Variants in UNC13C observed in about 807,000 individuals in gnomAD.
UNC13C encodes unc-13 homolog C.
Under a neutral mutation model 245.4 loss-of-function variants are expected in UNC13C, and 174 were observed. The observed-to-expected ratio is 0.71, with a 90% CI of 0.63 to 0.80. The LOEUF (loss-of-function observed/expected upper bound fraction) is 0.80, where lower values mean the gene tolerates loss of function less well. UNC13C is among the 30% of genes least tolerant of loss of function. The pLI, the probability that UNC13C is intolerant of heterozygous loss-of-function variation, is 0.00. For missense variants in UNC13C, 2,829 were observed against 2,602.9 expected, an observed-to-expected ratio of 1.09 and a Z score of -1.89; for synonymous variants, 992 against 895.1, an observed-to-expected ratio of 1.11 and a Z score of -1.93.
At chr15:54,183,539 C>T (rs1013316688) in intron 4 of UNC13C, among the ~76,000 whole-genome samples, 2 of 151,728 alleles carry the variant, frequency 1.3e-5, no homozygotes, top group Non-Finnish European at 2.9e-5. Flanking sequence ...TGACTATTTA[C>T]ATGTGTAGGT....
intron 2 of UNC13C, among the ~76,000 whole-genome samples, chr15:54,072,083 T>C (rs1898354944): frequency 6.6e-6 from 1 of 152,186 alleles, no homozygotes; most frequent in South Asian, 2.1e-4. Context: ...CATTCTTTTA[T>C]TACTTTTCCC....
At chr15:54,458,680 CTTTTTTT>C (rs79291504) in intron 19 of UNC13C, among the ~76,000 whole-genome samples, 11 of 65,970 alleles carry the variant, frequency 1.7e-4, no homozygotes, top group African/African-American at 6.7e-4. Context: ...CCTTTAAGGT[CTTTTTTT>C]TTTTTTTTTT....
chr15:54,216,787 C>T (rs2035053291), intron 4 of UNC13C, among the ~76,000 whole-genome samples: 1 of 151,932 alleles, frequency 6.6e-6, no homozygotes, highest in Non-Finnish European at 1.5e-5. Flanking sequence ...CAAGCGTGAA[C>T]ATTGTTGTTC....
chr15:54,133,395 T>C (rs1332489074), intron 2 of UNC13C, among the ~76,000 whole-genome samples: 1 of 152,212 alleles, frequency 6.6e-6, no homozygotes, highest in Non-Finnish European at 1.5e-5. Flanking sequence ...TTGAATAGAA[T>C]AGTGCTGTTC....
chr15:53,992,723 TC>T (rs759641598), intron 1 of UNC13C, among the ~76,000 whole-genome samples: 1 of 152,116 alleles, frequency 6.6e-6, no homozygotes, highest in African/African-American at 2.4e-5. Flanking sequence ...CTCAGCTTTT[TC>T]TGAATCTGTG....
At chr15:54,002,896 C>G (rs766530862) in intron 1 of UNC13C, among the ~76,000 whole-genome samples, 11 of 152,140 alleles carry the variant, frequency 7.2e-5, no homozygotes, top group Non-Finnish European at 1.6e-4. Context: ...GGAAAGGCAG[C>G]ACAGCACAGA....
intron 13 of UNC13C, among the ~76,000 whole-genome samples, chr15:54,305,124 TAGAA>T (rs2037692836): frequency 6.6e-6 from 1 of 152,082 alleles, no homozygotes; most frequent in South Asian, 2.1e-4. Context: ...TGATACATGA[TAGAA>T]AGTCAGTACA....
intron 18 of UNC13C, 76 bp downstream of exon 18, chr15:54,393,257 A>C: frequency 8.0e-7 from 1 of 1,247,774 alleles, no homozygotes; most frequent in South Asian, 2.4e-5. Flanking sequence ...AGCGCAACAT[A>C]TACTGACGAC....
chr15:53,956,926 G>T, the UNC13C span, among the ~76,000 whole-genome samples: 2 of 126,416 alleles, frequency 1.6e-5, no homozygotes, highest in South Asian at 5.1e-4. Context: ...ATCCATGTGT[G>T]TAAAACATGG....
chr15:54,278,593 C>T (rs1391146038), intron 10 of UNC13C, among the ~76,000 whole-genome samples: 3 of 152,188 alleles, frequency 2.0e-5, no homozygotes, highest in Non-Finnish European at 4.4e-5. Flanking sequence ...ATCTCCCCGA[C>T]ACTGATCTCT....
the UNC13C span, among the ~76,000 whole-genome samples, chr15:53,936,047 C>T: frequency 2.6e-5 from 4 of 152,170 alleles, no homozygotes; most frequent in Admixed American, 6.5e-5. Flanking sequence ...GGGCCCCACT[C>T]CCGTGGCACC....
intron 11 of UNC13C, among the ~76,000 whole-genome samples, chr15:54,294,327 C>G (rs754828566): frequency 2.6e-5 from 4 of 152,064 alleles, no homozygotes; most frequent in Non-Finnish European, 5.9e-5. Context: ...TTATTGCATT[C>G]TTAATTTTTA....
At chr15:53,944,935 T>C in the UNC13C span, among the ~76,000 whole-genome samples, 18 of 152,306 alleles carry the variant, frequency 1.2e-4, 1 homozygote, top group Non-Finnish European at 2.2e-4. Context: ...TGTTATTTTT[T>C]ACTTTTTAAT....
rs144726750 is a variant in UNC13C, at chr15:54,012,843, G to A, written c.-61G>A. On this transcript the variant is annotated 5_prime_UTR_variant, in exon 2 of 33. Transcript: ENST00000260323. Reference sequence around the variant, plus strand: ...AGTGATGCTTGCCTTGGATTTTCAGGTTTTCATCCTGATACTTGTTTACTT... The same window carrying A: ...AGTGATGCTTGCCTTGGATTTTCAGATTTTCATCCTGATACTTGTTTACTT... 10 of 1,346,322 alleles carry A rather than the reference G, an allele frequency of 7.4e-6. No individual in the cohort carries two copies. In the African/African-American group the frequency reaches 1.2e-4, roughly 16 times the overall value. The allele number at this position is 1,346,322 out of a possible 1,614,324, so 83.4% of individuals were successfully genotyped here.
At chr15:54,600,727 A>G (rs150475593) in intron 30 of UNC13C, among the ~76,000 whole-genome samples, 2 of 152,216 alleles carry the variant, frequency 1.3e-5, no homozygotes, top group East Asian at 1.9e-4. Context: ...TTTGAAAACA[A>G]AGCTTTCATA....
At chr15:54,020,179 A>C (rs1895831854) in intron 2 of UNC13C, among the ~76,000 whole-genome samples, 2 of 152,284 alleles carry the variant, frequency 1.3e-5, no homozygotes, top group South Asian at 4.1e-4. Context: ...TATGTAGCAA[A>C]TATACCTGCT....
At position 54,567,885 on chromosome 15, in the gene UNC13C, G is replaced by A; in HGVS notation, c.6044G>A (p.Ser2015Asn). Residue 2015 changes from serine (S) to asparagine (N), a missense_variant, in exon 30 of 33, where the codon AGT (serine) becomes AAT (asparagine). Transcript: ENST00000260323. Reference sequence around the variant, plus strand: ...CTTCAGTCTCTGAGATATGCTCTCAGTCTTTATACCCAAACTACTGATGCC... The same window carrying A: ...CTTCAGTCTCTGAGATATGCTCTCAATCTTTATACCCAAACTACTGATGCC... ...PDLQSLRYAL[S>N]LYTQTTDALI... The A allele has an allele frequency of 1.3e-6, 2 of 1,597,188 alleles. No homozygotes were observed. The highest frequency in any genetic ancestry group is 1.7e-6 in the Non-Finnish European group (2 of 1,170,730).
intron 30 of UNC13C, among the ~76,000 whole-genome samples, chr15:54,614,126 T>C (rs933350372): frequency 1.3e-5 from 2 of 152,060 alleles, no homozygotes; most frequent in Non-Finnish European, 2.9e-5. Context: ...TCTCTTTCCT[T>C]TTATGAAACT....
intron 2 of UNC13C, among the ~76,000 whole-genome samples, chr15:54,088,133 A>G (rs902300957): frequency 2.6e-5 from 4 of 151,292 alleles, no homozygotes; most frequent in Admixed American, 6.6e-5. Flanking sequence ...TTTTGTATCA[A>G]CTGAATAGTC....
Sources: gnomAD v4.1 joint callset for allele counts (sites outside exome capture counted in the v4.1 genomes callset) on GRCh38, gnomAD v4.1.1 for gene constraint, MANE v1.5 for transcripts, NCBI Gene and HGNC (gene_info 2026-07-23, HGNC 2026-07-21) for gene names.